The following TSPAN18 variants were observed in gnomAD, a reference collection of about 807,000 sequenced individuals.
The protein encoded by TSPAN18 is tetraspanin-18.
A neutral mutation model predicts 27.3 loss-of-function variants in TSPAN18; 14 were observed. The observed-to-expected ratio is 0.51, with a 90% CI of 0.34 to 0.80. TSPAN18 has a LOEUF of 0.80. TSPAN18 is among the 30% of genes least tolerant of loss of function. The probability of loss-of-function intolerance (pLI) is 0.01; values close to 1 mark genes in which losing one functional copy is unlikely to be tolerated. For synonymous variants in TSPAN18, 143 were observed against 136.5 expected (o/e 1.05, Z -0.33); for missense variants, 268 against 323.9 (o/e 0.83, Z 1.32).
Position 44,758,394 on chromosome 11 carries a change from A to G in TSPAN18, c.-239-6032A>G, listed in dbSNP as rs11038130. Among the ~76,000 whole-genome samples the G allele has an allele frequency of 6.2e-3, 944 of 152,310 alleles. 58 individuals are homozygous for G. In the East Asian group the frequency reaches 0.15, roughly 24 times the overall value. On this transcript the variant is annotated intron_variant, in intron 1 of 9. Transcript: ENST00000520358. ...TTAACCATCCTTGCATTCCAGAAAT[A>G]AGTCCCACTTGGTCATGGTGTATAA...
intron 2 of TSPAN18, among the ~76,000 whole-genome samples, chr11:44,788,102 G>A (rs1364004317): frequency 6.6e-6 from 1 of 152,202 alleles, no homozygotes; most frequent in Non-Finnish European, 1.5e-5. Context: ...TTCCTCCATG[G>A]TTCAGGCGGG....
chr11:44,845,000 T>A (rs1857451341), intron 2 of TSPAN18, among the ~76,000 whole-genome samples: 2 of 152,220 alleles, frequency 1.3e-5, no homozygotes, highest in African/African-American at 2.4e-5. Context: ...GGAATTATCC[T>A]CAATGCCAAT....
At chr11:44,875,391 G>A (rs1565187110) in intron 3 of TSPAN18, among the ~76,000 whole-genome samples, 1 of 152,226 alleles carries the variant, frequency 6.6e-6, no homozygotes. Context: ...TCTCTGGCTG[G>A]GAGCAAGTCT....
At chr11:44,787,819 G>T (rs1390119858) in intron 2 of TSPAN18, among the ~76,000 whole-genome samples, 1 of 152,060 alleles carries the variant, frequency 6.6e-6, no homozygotes, top group East Asian at 1.9e-4. Context: ...TTTTGCGAGG[G>T]TGCTCTCTGG....
intron 3 of TSPAN18, among the ~76,000 whole-genome samples, chr11:44,901,934 G>A (rs564817875): frequency 2.6e-5 from 4 of 152,338 alleles, no homozygotes; most frequent in South Asian, 2.1e-4. Flanking sequence ...TCAGTTCTGC[G>A]GAGTTGGCAT....
At chr11:44,916,084 G>A (rs1486771588) in intron 5 of TSPAN18, among the ~76,000 whole-genome samples, 1 of 152,194 alleles carries the variant, frequency 6.6e-6, no homozygotes, top group Non-Finnish European at 1.5e-5. Context: ...CTCTCTTTAG[G>A]TTTGGACACT....
intron 8 of TSPAN18, among the ~76,000 whole-genome samples, chr11:44,924,295 C>G (rs1860263759): frequency 6.6e-6 from 1 of 152,182 alleles, no homozygotes; most frequent in South Asian, 2.1e-4. Flanking sequence ...GCCTTACCTT[C>G]AGTATCTCAT....
At chr11:44,811,274 A>C (rs1157450332) in intron 2 of TSPAN18, among the ~76,000 whole-genome samples, 1 of 151,516 alleles carries the variant, frequency 6.6e-6, no homozygotes, top group Non-Finnish European at 1.5e-5. Context: ...ACATAATCTG[A>C]TGTTTTGTTT....
At chr11:44,851,236 C>T (rs374471891) in intron 2 of TSPAN18, among the ~76,000 whole-genome samples, 2 of 152,176 alleles carry the variant, frequency 1.3e-5, no homozygotes, top group African/African-American at 4.8e-5. Flanking sequence ...GGGGACTGGC[C>T]GGCTCTGAGT....
chr11:44,761,065 G>C (rs148746743), intron 1 of TSPAN18, among the ~76,000 whole-genome samples: 15 of 152,274 alleles, frequency 9.9e-5, no homozygotes, highest in African/African-American at 2.9e-4. Flanking sequence ...TAGCTGAGGA[G>C]TCCAGGCATG....
chr11:44,778,491 G>A (rs1307576821), intron 2 of TSPAN18, among the ~76,000 whole-genome samples: 2 of 152,136 alleles, frequency 1.3e-5, no homozygotes, highest in Admixed American at 6.5e-5. Flanking sequence ...GAAGGAAGGT[G>A]AAGGGCCTTC....
At chr11:44,911,615 C>T (rs1859717109) in intron 5 of TSPAN18, among the ~76,000 whole-genome samples, 1 of 152,102 alleles carries the variant, frequency 6.6e-6, no homozygotes, top group South Asian at 2.1e-4. Flanking sequence ...CAGAACAGAC[C>T]CAGCCTCCCT....
intron 5 of TSPAN18, among the ~76,000 whole-genome samples, chr11:44,912,144 C>T (rs557958006): frequency 1.1e-4 from 17 of 152,142 alleles, no homozygotes; most frequent in African/African-American, 4.1e-4. Context: ...ACCTCAGCCC[C>T]CCGAGTAGCT....
At chr11:44,924,824 A>G (rs554661361) in intron 8 of TSPAN18, among the ~76,000 whole-genome samples, 51 of 152,260 alleles carry the variant, frequency 3.3e-4, no homozygotes, top group Non-Finnish European at 6.6e-4. Flanking sequence ...GCACACCAAC[A>G]TGGCACATGG....
intron 3 of TSPAN18, chr11:44,897,945 G>GA: frequency 9.8e-7 from 1 of 1,021,108 alleles, no homozygotes; most frequent in Non-Finnish European, 1.3e-6. Context: ...TGTCTCCTTC[G>GA]GTCTTTCCCT....
At chr11:44,838,116 A>C (rs1857299927) in intron 2 of TSPAN18, among the ~76,000 whole-genome samples, 1 of 152,234 alleles carries the variant, frequency 6.6e-6, no homozygotes, top group South Asian at 2.1e-4. Context: ...ACATTTTCTT[A>C]CATGGCATAT....
intron 2 of TSPAN18, among the ~76,000 whole-genome samples, chr11:44,852,149 A>G (rs1056450001): frequency 5.3e-5 from 8 of 152,220 alleles, no homozygotes; most frequent in African/African-American, 1.9e-4. Context: ...ACTGTATGCC[A>G]TGTTCAGCTC....
rs1454488069 is a variant in TSPAN18, at chr11:44,726,997, G to A, written c.-530G>A. ...GGCGTCGCGGGGCTCCAGGCTGCGG[G>A]GCGGACGTAGCGCCGAGCGATCCAC... On this transcript the variant is annotated 5_prime_UTR_variant, in exon 1 of 10. Coordinates refer to ENST00000520358, the MANE Select transcript of TSPAN18 (RefSeq NM_130783.5). 1 of 137,848 alleles carries A rather than the reference G, an allele frequency of 7.3e-6. No individual in the cohort carries two copies. The highest frequency in any genetic ancestry group is 1.6e-5 in the Non-Finnish European group (1 of 61,188). The allele number at this position is 137,848 out of a possible 1,614,324, so 8.5% of individuals were successfully genotyped here.
At chr11:44,759,729 C>T (rs1855408282) in intron 1 of TSPAN18, among the ~76,000 whole-genome samples, 1 of 152,216 alleles carries the variant, frequency 6.6e-6, no homozygotes, top group Non-Finnish European at 1.5e-5. Context: ...GTCTATCCAT[C>T]CAGCTATTAT....
Sources: gnomAD v4.1 joint callset for allele counts (sites outside exome capture counted in the v4.1 genomes callset) on GRCh38, gnomAD v4.1.1 for gene constraint, MANE v1.5 for transcripts, NCBI Gene and HGNC (gene_info 2026-07-23, HGNC 2026-07-21) for gene names.